The following DNM3 variants were observed in gnomAD, a reference collection of about 807,000 sequenced individuals.
DNM3 encodes the protein dynamin 3, also known as dynamin-3.
Under a neutral mutation model 101.6 loss-of-function variants are expected in DNM3, and 47 were observed. That is an observed-to-expected ratio of 0.46 (90% CI 0.37 to 0.59). The LOEUF is 0.59. Ranked by LOEUF, DNM3 falls within the 20% of genes least tolerant of loss-of-function variation. The pLI, the probability that DNM3 is intolerant of heterozygous loss-of-function variation, is 0.00. For missense variants in DNM3, 849 were observed against 1,085.7 expected (o/e 0.78, Z 3.06); for synonymous variants, 385 against 387.9 (o/e 0.99, Z 0.09).
chr1:171,937,245 G>T (rs2041494967), intron 2 of DNM3, among the ~76,000 whole-genome samples: 1 of 150,952 alleles, frequency 6.6e-6, no homozygotes, highest in Admixed American at 6.6e-5. Flanking sequence ...TGATATTTTA[G>T]AATAAGATAA....
At chr1:171,848,869 G>A (rs538515261) in intron 1 of DNM3, among the ~76,000 whole-genome samples, 1 of 152,100 alleles carries the variant, frequency 6.6e-6, no homozygotes, top group African/African-American at 2.4e-5. Flanking sequence ...TTTAATTCCG[G>A]AATTATATGA....
At chr1:172,081,324 A>G (rs1253733316) in intron 11 of DNM3, among the ~76,000 whole-genome samples, 1 of 152,194 alleles carries the variant, frequency 6.6e-6, no homozygotes, top group Admixed American at 6.5e-5. Flanking sequence ...GGCTGATCAA[A>G]TGCTTTCCTG....
At chr1:172,367,422 C>T (rs549699053) in intron 17 of DNM3, among the ~76,000 whole-genome samples, 2 of 151,906 alleles carry the variant, frequency 1.3e-5, no homozygotes, top group Admixed American at 1.3e-4. Context: ...AAGTGTGAAA[C>T]TCACTTATAG....
chr1:172,204,951 G>A (rs542958824), intron 14 of DNM3, among the ~76,000 whole-genome samples: 2 of 152,248 alleles, frequency 1.3e-5, no homozygotes, highest in South Asian at 4.1e-4. Flanking sequence ...CTTTTAATAA[G>A]TAGTGAATTC....
intron 6 of DNM3, 52 bp from the exon 7 acceptor site, chr1:172,038,267 C>T: frequency 1.3e-6 from 2 of 1,594,154 alleles, no homozygotes; most frequent in Non-Finnish European, 1.7e-6. Flanking sequence ...AATCTTTAAT[C>T]TGTGTATATG....
chr1:172,395,428 C>A (rs1446773503), intron 20 of DNM3, among the ~76,000 whole-genome samples: 1 of 152,138 alleles, frequency 6.6e-6, no homozygotes, highest in African/African-American at 2.4e-5. Flanking sequence ...ACCACAGCCT[C>A]CCAGAGTGCT....
chr1:172,235,021 G>T (rs2061483701), intron 14 of DNM3, among the ~76,000 whole-genome samples: 1 of 152,070 alleles, frequency 6.6e-6, no homozygotes, highest in Non-Finnish European at 1.5e-5. Flanking sequence ...AAACTAAAGA[G>T]CTTCTGCACA....
chr1:172,141,445 CAGAGT>C (rs1305416485), intron 14 of DNM3, among the ~76,000 whole-genome samples: 4 of 152,010 alleles, frequency 2.6e-5, no homozygotes, highest in African/African-American at 7.2e-5. Context: ...CTCCTTAGAG[CAGAGT>C]AAAGTGCATT....
intron 14 of DNM3, among the ~76,000 whole-genome samples, chr1:172,212,223 C>G (rs2060539165): frequency 6.6e-6 from 1 of 152,100 alleles, no homozygotes; most frequent in Admixed American, 6.6e-5. Flanking sequence ...TATGAGATTT[C>G]TAATTCTTGA....
chr1:172,073,288 TAC>T (rs1017552537), intron 11 of DNM3, among the ~76,000 whole-genome samples: 2 of 133,992 alleles, frequency 1.5e-5, no homozygotes, highest in African/African-American at 4.9e-5. Context: ...TATGTATATA[TAC>T]ACATATAAGT....
chr1:172,315,509 A>C (rs961946894), intron 16 of DNM3, among the ~76,000 whole-genome samples: 10 of 152,228 alleles, frequency 6.6e-5, no homozygotes, highest in African/African-American at 2.4e-4. Context: ...AGACAAATGT[A>C]TAACTAGAAT....
chr1:172,033,154 G>A lies in DNM3; in HGVS notation c.738G>A (p.Lys246=), dbSNP rs1220390430. The A allele has an allele frequency of 6.2e-7, 1 of 1,612,424 alleles. No homozygotes were observed. The highest frequency in any genetic ancestry group is 8.5e-7 in the Non-Finnish European group (1 of 1,179,268). The change falls in exon 6 of 21, where the codon AAG becomes AAA. Residue 246 remains lysine (K), a synonymous_variant. Transcript: ENST00000627582. ...NRSQKDIDGK[K]DIKAAMLAER... is the part of the protein sequence containing the mutation. ...GCCAGAAGGACATAGATGGGAAGAA[G>A]GACATAAAGGCAGCCATGCTGGCAG...
intron 13 of DNM3, among the ~76,000 whole-genome samples, chr1:172,096,593 T>C (rs1326003304): frequency 6.6e-6 from 1 of 152,178 alleles, no homozygotes; most frequent in African/African-American, 2.4e-5. Context: ...ACAAGTAAGA[T>C]GGTGCTGCTC....
At chr1:171,975,719 C>G (rs1302425195) in intron 2 of DNM3, among the ~76,000 whole-genome samples, 2 of 152,142 alleles carry the variant, frequency 1.3e-5, no homozygotes, top group African/African-American at 2.4e-5. Context: ...TAGAAACTGA[C>G]AAGCTGATTC....
At chr1:172,133,243 C>T (rs1312812188) in intron 14 of DNM3, 32 of 1,095,868 alleles carry the variant, frequency 2.9e-5, no homozygotes, top group Admixed American at 5.1e-5. Context: ...AAGGAAGAAG[C>T]TTTGAAGGCT....
chr1:172,359,798 T>G (rs1387992181), intron 17 of DNM3, among the ~76,000 whole-genome samples: 1 of 151,978 alleles, frequency 6.6e-6, no homozygotes, highest in Non-Finnish European at 1.5e-5. Flanking sequence ...TTCTAGACAA[T>G]TTTCTGCGGC....
At chr1:171,874,779 AC>A (rs544430952) in intron 1 of DNM3, among the ~76,000 whole-genome samples, 62 of 151,354 alleles carry the variant, frequency 4.1e-4, no homozygotes, top group Non-Finnish European at 6.2e-4. Context: ...TGAACATAGT[AC>A]CCATAGTATC....
intron 14 of DNM3, among the ~76,000 whole-genome samples, chr1:172,232,195 T>A (rs899711598): frequency 6.6e-6 from 1 of 151,946 alleles, no homozygotes; most frequent in South Asian, 2.1e-4. Context: ...TGGAGGAAGA[T>A]CTACCAAGCA....
At chr1:172,058,246 G>A (rs1298278466) in intron 10 of DNM3, among the ~76,000 whole-genome samples, 1 of 151,722 alleles carries the variant, frequency 6.6e-6, no homozygotes, top group Non-Finnish European at 1.5e-5. Flanking sequence ...GTTAATAATG[G>A]GAGACTTTAA....
Sources: allele counts gnomAD v4.1 joint callset (sites outside exome capture counted in the v4.1 genomes callset), GRCh38; gene constraint gnomAD v4.1.1; transcripts MANE v1.5; gene names NCBI Gene and HGNC (gene_info 2026-07-23, HGNC 2026-07-21).